The following IGF2R variants were observed in gnomAD, a reference collection of about 807,000 sequenced individuals.
The protein encoded by IGF2R is cation-independent mannose-6-phosphate receptor.
In IGF2R, 91 loss-of-function variants were observed where a neutral mutation model predicts 270.6. The ratio of observed to expected loss-of-function variants is 0.34; its 90% CI spans 0.28 to 0.40. The LOEUF is 0.40. Among genes scored for constraint, IGF2R ranks in the 10% least tolerant of loss-of-function variants. IGF2R has a pLI of 1.00. For synonymous variants in IGF2R, 1,316 were observed against 1,258.9 expected (o/e 1.05, Z -0.96); for missense variants, 2,805 against 3,188.3 (o/e 0.88, Z 2.90).
rs1254992973 is a variant in IGF2R, at chr6:160,010,744, A to G, written c.472A>G (p.Thr158Ala). Residue 158 changes from threonine (T) to alanine (A), a missense_variant, in exon 4 of 48, where the codon ACT becomes GCT. By Grantham distance (58) the Thr-to-Ala change is moderately conservative (BLOSUM62 0). This residue lies in a region of IGF2R where 954 missense variants were observed against 981.1 expected (regional missense o/e 0.97). Coordinates refer to ENST00000356956, the MANE Select transcript of IGF2R (RefSeq NM_000876.4). Reference sequence around the variant, plus strand: ...TGTGCACTACTTTGAGTGGAGGACCACTGCAGCCTGCAAGAAAGACATATT... The same window carrying G: ...TGTGCACTACTTTGAGTGGAGGACCGCTGCAGCCTGCAAGAAAGACATATT... ...ECVHYFEWRT[T>A]AACKKDIFKA... 2 of 1,612,624 alleles carry G rather than the reference A, an allele frequency of 1.2e-6. No individual in the cohort carries two copies. Among genetic ancestry groups the G allele is most frequent in the Non-Finnish European group, 1.7e-6 (2 of 1,178,734 alleles).
rs759780133 is a variant in IGF2R at position 160,048,423 on chromosome 6, C to T, written c.2394C>T (p.Asp798=). ...GGLGGNWYAM[D]NSGEHVTWRK... is the part of the protein sequence containing the mutation. ...TTGGAGGAAACTGGTATGCCATGGA[C>T]AACTCAGGGGAACATGTCACGTGGA... Residue 798 remains aspartate, a synonymous_variant, in exon 18 of 48, where the codon GAC becomes GAT. Coordinates refer to ENST00000356956, the MANE Select transcript of IGF2R (RefSeq NM_000876.4). The T allele has an allele frequency of 2.5e-6, 4 of 1,614,102 alleles. No homozygotes were observed. Among genetic ancestry groups the T allele is most frequent in the Non-Finnish European group, 3.4e-6 (4 of 1,180,028 alleles).
chr6:160,080,388 A>G (rs1778952914), intron 39 of IGF2R, 113 bp downstream of exon 39: 8 of 1,071,710 alleles, frequency 7.5e-6, no homozygotes, highest in Non-Finnish European at 1.1e-5. Context: ...ATTCTCTTGC[A>G]TAAAATATTT....
intron 36 of IGF2R, 82 bp downstream of exon 36, chr6:160,076,078 G>T: frequency 1.5e-6 from 2 of 1,319,424 alleles, no homozygotes; most frequent in Non-Finnish European, 2.2e-6. Flanking sequence ...TGCGTGTCAG[G>T]TCCAAGGATA....
At chr6:160,047,666 G>T in intron 16 of IGF2R, 126 bp from the exon 17 acceptor site, 1 of 700,332 alleles carries the variant, frequency 1.4e-6, no homozygotes, top group African/African-American at 1.8e-5. Flanking sequence ...GAAGGGAGAT[G>T]GGCAGACTAA....
intron 1 of IGF2R, among the ~76,000 whole-genome samples, chr6:159,990,715 C>G (rs9457800): frequency 6.6e-6 from 1 of 152,060 alleles, no homozygotes; most frequent in African/African-American, 2.4e-5. Context: ...CTGCAACCTC[C>G]GTCTCCCAGG....
At chr6:160,046,736 T>C in intron 15 of IGF2R, 91 bp downstream of exon 15, 1 of 1,342,442 alleles carries the variant, frequency 7.4e-7, no homozygotes, top group Non-Finnish European at 1.0e-6. Context: ...CTTAATGTCA[T>C]TGCTTTATGA....
At chr6:160,015,808 C>T (rs1178306407) in intron 4 of IGF2R, among the ~76,000 whole-genome samples, 2 of 152,228 alleles carry the variant, frequency 1.3e-5, no homozygotes, top group African/African-American at 4.8e-5. Flanking sequence ...AATGGTCTAG[C>T]ACCATCCCCT....
At chr6:160,036,382 T>A (rs1244880455) in intron 10 of IGF2R, among the ~76,000 whole-genome samples, 2 of 152,146 alleles carry the variant, frequency 1.3e-5, no homozygotes, top group Admixed American at 6.5e-5. Context: ...ATGCAGCCTG[T>A]ATCTTCCCCA....
At chr6:160,071,855 A>T in intron 31 of IGF2R, 55 bp from the exon 32 acceptor site, 1 of 1,595,786 alleles carries the variant, frequency 6.3e-7, no homozygotes, top group Non-Finnish European at 8.6e-7. Context: ...TGAAATCATG[A>T]TAGACATGGA....
intron 21 of IGF2R, 66 bp from the exon 22 acceptor site, chr6:160,058,840 G>T (rs1251948025): frequency 7.1e-7 from 1 of 1,400,056 alleles, no homozygotes; most frequent in Non-Finnish European, 1.0e-6. Flanking sequence ...AGTTGCTAGG[G>T]TTCTTGTCTG....
chr6:160,031,921 T>C (rs1050020468), intron 7 of IGF2R, among the ~76,000 whole-genome samples: 4 of 152,064 alleles, frequency 2.6e-5, no homozygotes, highest in African/African-American at 7.2e-5. Flanking sequence ...CCTTCATGGC[T>C]CACATCAAAG....
At chr6:159,974,511 C>T (rs145647385) in intron 1 of IGF2R, among the ~76,000 whole-genome samples, 1 of 152,098 alleles carries the variant, frequency 6.6e-6, no homozygotes, top group African/African-American at 2.4e-5. Flanking sequence ...TCAGTGATAT[C>T]CTTTGAAGAA....
At chr6:160,020,649 C>T (rs937346304) in intron 4 of IGF2R, among the ~76,000 whole-genome samples, 1 of 152,192 alleles carries the variant, frequency 6.6e-6, no homozygotes, top group East Asian at 1.9e-4. Context: ...TGCATACTTA[C>T]AACCAACTGA....
chr6:160,057,933 C>A (rs1053606316), intron 20 of IGF2R, 90 bp from the exon 21 acceptor site: 1 of 756,918 alleles, frequency 1.3e-6, no homozygotes, highest in Non-Finnish European at 2.4e-6. Context: ...CAGGTGCATA[C>A]TTGCAGGTTT....
At chr6:160,027,359 A>G in intron 6 of IGF2R, 45 bp downstream of exon 6, 1 of 1,570,656 alleles carries the variant, frequency 6.4e-7, no homozygotes, top group Non-Finnish European at 8.6e-7. Flanking sequence ...AATCTCCAGC[A>G]AGGACCTGAC....
rs8191842 is a variant in IGF2R, at chr6:160,061,560, C to T, written c.3320C>T (p.Thr1107Met). ...TGLSTVRKPW[T>M]AVDTSVDGRK... ...CTAAGCACAGTCAGGAAACCTTGGA[C>T]GGCTGTTGACACCTCTGTCGATGGG... Residue 1107 changes from threonine (T) to methionine (M), a missense_variant, in exon 24 of 48, where the codon ACG becomes ATG. Transcript: ENST00000356956. The T allele has an allele frequency of 2.7e-3, 4,351 of 1,613,918 alleles. 111 individuals carry two copies. In the African/African-American group the frequency reaches 0.049, roughly 18 times the overall value.
chr6:159,980,199 G>GA (rs1200573359), intron 1 of IGF2R, among the ~76,000 whole-genome samples: 5 of 76,330 alleles, frequency 6.6e-5, no homozygotes, highest in Admixed American at 1.5e-4. Flanking sequence ...AAGAAAGAAA[G>GA]AAAGAAAGAA....
intron 14 of IGF2R, 55 bp from the exon 15 acceptor site, chr6:160,046,443 T>C: frequency 1.3e-6 from 2 of 1,535,604 alleles, no homozygotes; most frequent in Non-Finnish European, 1.8e-6. Flanking sequence ...GTGAGACCAC[T>C]CTGTTAACTG....
intron 19 of IGF2R, among the ~76,000 whole-genome samples, chr6:160,055,242 C>T (rs1313774886): frequency 6.6e-6 from 1 of 152,216 alleles, no homozygotes; most frequent in African/African-American, 2.4e-5. Context: ...CACATCTGTG[C>T]ATTCCCTGCC....
Sources: allele counts gnomAD v4.1 joint callset (sites outside exome capture counted in the v4.1 genomes callset), GRCh38; gene constraint gnomAD v4.1.1; regional missense constraint gnomAD v4.1.1; transcripts MANE v1.5; gene names NCBI Gene and HGNC (gene_info 2026-07-23, HGNC 2026-07-21).